DNAH3: variants seen among roughly 807,000 people sequenced by gnomAD.
DNAH3 encodes the protein dynein axonemal heavy chain 3, also known as axonemal beta dynein heavy chain 3.
In DNAH3, 332 loss-of-function variants were observed where a neutral mutation model predicts 432.5. The observed-to-expected ratio is 0.77, with a 90% CI of 0.70 to 0.84. DNAH3 has a LOEUF of 0.84. Among genes scored for constraint, DNAH3 ranks in the 40% least tolerant of loss-of-function variants. The pLI, the probability that DNAH3 is intolerant of heterozygous loss-of-function variation, is 0.00. For synonymous variants in DNAH3, 1,956 were observed against 1,900.2 expected (o/e 1.03, Z -0.76); for missense variants, 4,861 against 5,114.0 (o/e 0.95, Z 1.51).
At chr16:20,963,996 T>C (rs150973698) in exon 53 of DNAH3, 237 of 1,614,200 alleles carry the variant, frequency 1.5e-4, no homozygotes, top group Middle Eastern at 4.9e-4. Context: ...GCACAGCCAC[T>C]GGCTTGTAGC....
At chr16:21,051,922 C>A in intron 28 of DNAH3, 54 bp from the exon 29 acceptor site, 1 of 1,446,176 alleles carries the variant, frequency 6.9e-7, no homozygotes, top group Non-Finnish European at 9.7e-7. Context: ...AACTCTCCAT[C>A]TTTGTAAGCT....
chr16:21,071,737 T>A (rs12919876), intron 21 of DNAH3, among the ~76,000 whole-genome samples: 50,542 of 151,364 alleles, frequency 0.33, 8,699 homozygotes, highest in East Asian at 0.54. Flanking sequence ...ATTTTTTTTT[T>A]AAAAAGACAT....
Position 20,948,649 on chromosome 16 carries a change from C to A in DNAH3, c.11189-12G>T. 1 of 1,613,900 alleles carries A rather than the reference C, an allele frequency of 6.2e-7. No homozygotes were observed. Among genetic ancestry groups the A allele is most frequent in the Non-Finnish European group, 8.5e-7 (1 of 1,179,906 alleles). On this transcript the variant is annotated splice_polypyrimidine_tract_variant and intron_variant, in intron 56 of 61. Coordinates refer to ENST00000261383, the Ensembl canonical transcript of DNAH3. ...GTAATTACATTCCCCTGGGGACAAC[C>A]AACAGAAGGAGAGGTTGAGCCCAGG...
Position 21,023,786 on chromosome 16 carries a change from G to GTGTGTGTGTGTGTGTGTGT in DNAH3, c.5646+809_5646+810insACACACACACACACACACA, listed in dbSNP as rs1567654144. Among the ~76,000 whole-genome samples the GTGTGTGTGTGTGTGTGTGT allele has an allele frequency of 7.0e-4, 103 of 146,480 alleles. 1 individual carries two copies. Among genetic ancestry groups the GTGTGTGTGTGTGTGTGTGT allele is most frequent in the African/African-American group, 2.4e-3 (96 of 39,674 alleles). On this transcript the variant is annotated intron_variant, in intron 39 of 61. Coordinates refer to ENST00000261383, the Ensembl canonical transcript of DNAH3. ...TATATGGGGACTTGGCAGCTTTTGG[G>GTGTGTGTGTGTGTGTGTGT]GTGTGTGTGTGTGTGTGTGTGTGTG...
chr16:21,114,932 C>G (rs765236992), intron 12 of DNAH3, among the ~76,000 whole-genome samples: 23 of 152,170 alleles, frequency 1.5e-4, no homozygotes, highest in Non-Finnish European at 2.5e-4. Context: ...GCTATAAAGA[C>G]ACATGCACAC....
At chr16:21,086,719 C>T in intron 19 of DNAH3, 130 bp downstream of exon 19, 4 of 800,852 alleles carry the variant, frequency 5.0e-6, no homozygotes, top group Non-Finnish European at 8.3e-6. Context: ...TTTGCTATCC[C>T]TTTGCCCTTA....
chr16:21,033,273 G>A (rs16970824), intron 36 of DNAH3, among the ~76,000 whole-genome samples: 2,542 of 152,194 alleles, frequency 0.017, 71 homozygotes, highest in African/African-American at 0.058. Context: ...ATGCATGCAC[G>A]AAAAGGAAAT....
In DNAH3 at chr16:21,098,597, C is replaced by T; in HGVS notation, c.2520+19G>A. The T allele has an allele frequency of 6.2e-7, 1 of 1,604,016 alleles. No individual in the cohort carries two copies. Among genetic ancestry groups the T allele is most frequent in the Non-Finnish European group, 8.5e-7 (1 of 1,175,762 alleles). ...TAGACCAGTACAGTGTCATAAGTCC[C>T]CATCTCAAGATCCCAAACCTCAAAC... On this transcript the variant is annotated intron_variant, in intron 17 of 61. Coordinates refer to ENST00000261383, the Ensembl canonical transcript of DNAH3.
intron 1 of DNAH3, among the ~76,000 whole-genome samples, chr16:21,147,573 A>G (rs1345876085): frequency 2.0e-5 from 3 of 152,218 alleles, no homozygotes; most frequent in African/African-American, 7.2e-5. Context: ...AGGCAGTGGC[A>G]CTGAATTTTC....
At chr16:20,943,266 C>T (rs753424497) in intron 58 of DNAH3, among the ~76,000 whole-genome samples, 7 of 150,898 alleles carry the variant, frequency 4.6e-5, no homozygotes, top group African/African-American at 1.2e-4. Flanking sequence ...TTTGTATAGA[C>T]GGCGTTTTGC....
intron 41 of DNAH3, chr16:21,019,104 G>C (rs1398111279): frequency 6.7e-6 from 1 of 148,150 alleles, no homozygotes; most frequent in Non-Finnish European, 1.5e-5. Context: ...AAGTGGTTAA[G>C]TATCCCATAA....
At chr16:20,980,260 T>TTATAATATAAATCA (rs1555517020) in intron 49 of DNAH3, among the ~76,000 whole-genome samples, 1 of 129,028 alleles carries the variant, frequency 7.8e-6, no homozygotes, top group Admixed American at 8.6e-5. Context: ...ACATCATATA[T>TTATAATATAAATCA]TATATTATAA....
chr16:21,069,534 C>T (rs1218894364), exon 23 of DNAH3: 1 of 1,613,468 alleles, frequency 6.2e-7, no homozygotes, highest in African/African-American at 1.3e-5. Flanking sequence ...AGCCAGGTGG[C>T]TTGGCATTTC....
intron 14 of DNAH3, among the ~76,000 whole-genome samples, chr16:21,108,721 C>T (rs1413997195): frequency 6.6e-6 from 1 of 152,140 alleles, no homozygotes; most frequent in South Asian, 2.1e-4. Flanking sequence ...CCAGTCTGGG[C>T]AACAGAGTAA....
chr16:21,150,469 T>C (rs1361049781), intron 1 of DNAH3: 2 of 361,244 alleles, frequency 5.5e-6, no homozygotes, highest in African/African-American at 2.1e-5. Context: ...TTTCCAGATG[T>C]TCTGAAAGCT....
intron 25 of DNAH3, among the ~76,000 whole-genome samples, 163 bp from the exon 26 acceptor site, chr16:21,060,519 TTTTTTTC>T (rs1281082613): frequency 2.6e-4 from 31 of 120,060 alleles, no homozygotes; most frequent in Non-Finnish European, 4.6e-4. Context: ...TTTTTCTTTT[TTTTTTTC>T]TTTTTTTTTT....
chr16:20,990,158 C>G (rs2086484109), intron 44 of DNAH3, among the ~76,000 whole-genome samples: 1 of 152,218 alleles, frequency 6.6e-6, no homozygotes, highest in South Asian at 2.1e-4. Context: ...AGGAGGCGCC[C>G]AGAGCGAGCC....
intron 35 of DNAH3, among the ~76,000 whole-genome samples, chr16:21,035,254 G>A (rs1011578466): frequency 1.3e-5 from 2 of 152,202 alleles, no homozygotes; most frequent in Admixed American, 6.5e-5. Context: ...TTGAGCCTGG[G>A]AGGTGGAGGT....
chr16:21,093,593 A>C (rs2091597456), intron 18 of DNAH3, among the ~76,000 whole-genome samples: 1 of 152,210 alleles, frequency 6.6e-6, no homozygotes, highest in Non-Finnish European at 1.5e-5. Context: ...TTTATGTGGA[A>C]AAATAAAGGG....
Sources: gnomAD v4.1 joint callset for allele counts (sites outside exome capture counted in the v4.1 genomes callset) on GRCh38, gnomAD v4.1.1 for gene constraint, MANE v1.5 for transcripts, NCBI Gene and HGNC (gene_info 2026-07-23, HGNC 2026-07-21) for gene names.